Variants in ERC2 observed in about 807,000 individuals in gnomAD.
ERC2 encodes ERC protein 2.
ERC2 carries 42 observed loss-of-function variants against 114.8 expected under a neutral mutation model. The ratio of observed to expected loss-of-function variants is 0.37; its 90% CI spans 0.29 to 0.47. The LOEUF is 0.47. Among genes scored for constraint, ERC2 ranks in the 20% least tolerant of loss-of-function variants. ERC2 has a pLI of 0.99. For synonymous variants in ERC2, 454 were observed against 425.5 expected (o/e 1.07, Z -0.82); for missense variants, 939 against 1,150.7 (o/e 0.82, Z 2.66).
intron 17 of ERC2, among the ~76,000 whole-genome samples, chr3:55,573,800 C>T (rs1396418673): frequency 6.6e-6 from 1 of 152,052 alleles, no homozygotes; most frequent in African/African-American, 2.4e-5. Context: ...TGTCAACACA[C>T]TTTTCTGGAG....
intron 17 of ERC2, among the ~76,000 whole-genome samples, chr3:55,638,427 C>T (rs543249942): frequency 8.6e-4 from 131 of 152,316 alleles, no homozygotes; most frequent in Non-Finnish European, 1.5e-3. Context: ...CCGAGGGGCT[C>T]GGCAAAGCAG....
intron 13 of ERC2, among the ~76,000 whole-genome samples, chr3:55,949,876 G>A (rs1271536680): frequency 1.3e-5 from 2 of 152,214 alleles, no homozygotes; most frequent in African/African-American, 2.4e-5. Flanking sequence ...GGAAAAATTG[G>A]TGTTTCCAGT....
chr3:55,884,135 AT>A (rs1321787299), intron 14 of ERC2, among the ~76,000 whole-genome samples: 2 of 152,206 alleles, frequency 1.3e-5, no homozygotes, highest in African/African-American at 4.8e-5. Context: ...ATCCACAGGT[AT>A]TTACAAATAT....
At chr3:56,004,985 G>A (rs749493954) in intron 10 of ERC2, among the ~76,000 whole-genome samples, 5 of 147,688 alleles carry the variant, frequency 3.4e-5, no homozygotes, top group Non-Finnish European at 4.5e-5. Context: ...TAAGGTGATG[G>A]GTATTTGAGG....
At chr3:55,707,556 G>C (rs752757388) in intron 15 of ERC2, among the ~76,000 whole-genome samples, 7 of 152,226 alleles carry the variant, frequency 4.6e-5, no homozygotes, top group Non-Finnish European at 1.0e-4. Context: ...AGCCAGTACA[G>C]CCCATGAGGA....
chr3:55,947,368 G>A (rs1245593859), intron 13 of ERC2, among the ~76,000 whole-genome samples: 1 of 152,104 alleles, frequency 6.6e-6, no homozygotes, highest in African/African-American at 2.4e-5. Flanking sequence ...TGTCTCTTTT[G>A]ATAGACTGAA....
intron 1 of ERC2, 57 bp from the exon 2 acceptor site, chr3:56,435,204 T>C (rs1359343100): frequency 1.8e-6 from 1 of 554,858 alleles, no homozygotes; most frequent in Non-Finnish European, 3.2e-6. Context: ...TCTAACTGCA[T>C]TGTATTTTTA....
At chr3:56,061,353 G>A (rs779271137) in intron 7 of ERC2, among the ~76,000 whole-genome samples, 15 of 152,090 alleles carry the variant, frequency 9.9e-5, no homozygotes, top group African/African-American at 3.1e-4. Context: ...TAAGCATTTC[G>A]AATGTGATTT....
At chr3:55,796,281 G>A (rs2070479389) in intron 14 of ERC2, among the ~76,000 whole-genome samples, 1 of 152,168 alleles carries the variant, frequency 6.6e-6, no homozygotes, top group African/African-American at 2.4e-5. Flanking sequence ...GGCCTTCGGT[G>A]GACTGCATGA....
intron 17 of ERC2, among the ~76,000 whole-genome samples, chr3:55,638,747 T>C (rs1375817601): frequency 6.6e-6 from 1 of 152,210 alleles, no homozygotes; most frequent in Non-Finnish European, 1.5e-5. Context: ...TTGACTTCCT[T>C]AAGGGTGGAT....
intron 2 of ERC2, among the ~76,000 whole-genome samples, chr3:56,401,860 A>C (rs2060532402): frequency 6.6e-6 from 1 of 152,186 alleles, no homozygotes; most frequent in Non-Finnish European, 1.5e-5. Flanking sequence ...CTGCTAATAC[A>C]TACATACCCG....
intron 2 of ERC2, among the ~76,000 whole-genome samples, chr3:56,298,828 C>T (rs1320564243): frequency 6.6e-6 from 1 of 152,114 alleles, no homozygotes; most frequent in African/African-American, 2.4e-5. Flanking sequence ...GAATTTCACA[C>T]TGTAAATGAG....
intron 2 of ERC2, among the ~76,000 whole-genome samples, chr3:56,298,179 C>T (rs2055582138): frequency 6.6e-6 from 1 of 152,310 alleles, no homozygotes. Flanking sequence ...CATTCCCCAT[C>T]TCCCTCCCTT....
At chr3:56,369,970 C>T (rs1038201683) in intron 2 of ERC2, among the ~76,000 whole-genome samples, 6 of 152,218 alleles carry the variant, frequency 3.9e-5, no homozygotes, top group African/African-American at 7.2e-5. Flanking sequence ...CCACCACGCC[C>T]GGCCTGGATA....
chr3:55,609,006 A>T (rs1416199585), intron 17 of ERC2, among the ~76,000 whole-genome samples: 2 of 152,218 alleles, frequency 1.3e-5, no homozygotes, highest in African/African-American at 4.8e-5. Context: ...ATATCCCAAG[A>T]TAATTGCTTG....
intron 14 of ERC2, among the ~76,000 whole-genome samples, chr3:55,786,843 G>A (rs2069541363): frequency 6.6e-6 from 1 of 152,074 alleles, no homozygotes; most frequent in Non-Finnish European, 1.5e-5. Context: ...CTCCCTCAAG[G>A]TGGTGAGTAA....
intron 17 of ERC2, among the ~76,000 whole-genome samples, chr3:55,541,137 C>T (rs1390383447): frequency 1.3e-5 from 2 of 152,210 alleles, no homozygotes; most frequent in Non-Finnish European, 2.9e-5. Context: ...TGAGAAAAAA[C>T]AATTTCATTC....
At chr3:55,858,706 T>C (rs546187040) in intron 14 of ERC2, among the ~76,000 whole-genome samples, 2 of 152,312 alleles carry the variant, frequency 1.3e-5, no homozygotes, top group South Asian at 4.1e-4. Flanking sequence ...AGGCTGAAAA[T>C]ACCACAAATG....
Position 56,380,992 on chromosome 3 carries a change from C to T in ERC2, c.657+53359G>A, listed in dbSNP as rs1479903703. ...AAGAAAAGAAAAACACTTCCATTTG[C>T]GTCAATGTCTTTGTTTTTCATCCAT... is the stretch of plus-strand genomic sequence containing the variant. On this transcript the variant is annotated intron_variant, in intron 2 of 17. Transcript: ENST00000288221. Among the ~76,000 whole-genome samples, 3 of 152,100 alleles carry T rather than the reference C, an allele frequency of 2.0e-5. No individual in the cohort carries two copies. In the South Asian group the frequency reaches 6.2e-4, roughly 32 times the overall value.
Sources: allele counts gnomAD v4.1 joint callset (sites outside exome capture counted in the v4.1 genomes callset), GRCh38; gene constraint gnomAD v4.1.1; transcripts MANE v1.5; gene names NCBI Gene and HGNC (gene_info 2026-07-23, HGNC 2026-07-21).